The following CDH13 variants were observed in gnomAD, a reference collection of about 807,000 sequenced individuals.
The protein encoded by CDH13 is cadherin 13.
Under a neutral mutation model 63.8 loss-of-function variants are expected in CDH13, and 24 were observed. The ratio of observed to expected loss-of-function variants is 0.38; its 90% confidence interval spans 0.27 to 0.53. The LOEUF is 0.53. Ranked by LOEUF, CDH13 falls within the 20% of genes least tolerant of loss-of-function variation. The pLI, the probability that CDH13 is intolerant of heterozygous loss-of-function variation, is 0.85. For synonymous variants in CDH13, 503 were observed against 355.3 expected (o/e 1.42, Z -4.67); for missense variants, 1,049 against 903.1 (o/e 1.16, Z -2.07).
intron 2 of CDH13, among the ~76,000 whole-genome samples, chr16:83,000,540 A>AC (rs1387002405): frequency 6.9e-6 from 1 of 144,764 alleles, no homozygotes; most frequent in African/African-American, 2.5e-5. Context: ...GAGCCACCTC[A>AC]CCCGACCCCA....
chr16:83,019,857 A>AAAAAAAG (rs1567750762), intron 2 of CDH13, among the ~76,000 whole-genome samples: 1 of 147,908 alleles, frequency 6.8e-6, no homozygotes, highest in African/African-American at 2.5e-5. Context: ...AAAAAAAACA[A>AAAAAAAG]TAAAAACGAT....
chr16:83,133,574 C>G (rs1013549807), intron 4 of CDH13, among the ~76,000 whole-genome samples: 2 of 152,210 alleles, frequency 1.3e-5, no homozygotes, highest in Non-Finnish European at 2.9e-5. Flanking sequence ...TCTGTGCTCA[C>G]TGCAACCTCT....
At chr16:83,205,822 C>G (rs901154634) in intron 4 of CDH13, among the ~76,000 whole-genome samples, 1 of 152,100 alleles carries the variant, frequency 6.6e-6, no homozygotes, top group African/African-American at 2.4e-5. Context: ...CCAGGATGGT[C>G]TCTATCTCCT....
chr16:82,768,287 C>T (rs11642218), intron 1 of CDH13, among the ~76,000 whole-genome samples: 106,613 of 152,072 alleles, frequency 0.7, 40,154 homozygotes, highest in East Asian at 1. Context: ...TGATAGATAC[C>T]TGCTAGTTGA....
intron 1 of CDH13, among the ~76,000 whole-genome samples, chr16:82,809,330 T>C (rs923549280): frequency 1.2e-4 from 18 of 150,720 alleles, no homozygotes; most frequent in African/African-American, 4.1e-4. Context: ...AAAAAATCAC[T>C]GTAAATGAAA....
chr16:83,349,497 C>A (rs2090906764), intron 6 of CDH13, among the ~76,000 whole-genome samples: 1 of 152,068 alleles, frequency 6.6e-6, no homozygotes, highest in South Asian at 2.1e-4. Flanking sequence ...AAGATTGAGG[C>A]CTGCCTGTGG....
At chr16:82,645,013 C>A (rs376922836) in intron 1 of CDH13, among the ~76,000 whole-genome samples, 18 of 152,242 alleles carry the variant, frequency 1.2e-4, no homozygotes, top group African/African-American at 4.3e-4. Context: ...AAATGAAAGT[C>A]TCTGAGATTG....
chr16:83,783,186 C>A (rs1915646909), intron 12 of CDH13, 68 bp from the exon 13 acceptor site: 1 of 1,098,772 alleles, frequency 9.1e-7, no homozygotes, highest in Non-Finnish European at 1.4e-6. Context: ...ACTTTCATCA[C>A]CAAAACCTCA....
intron 4 of CDH13, among the ~76,000 whole-genome samples, chr16:83,134,224 G>A (rs533808885): frequency 1.3e-5 from 2 of 152,064 alleles, no homozygotes; most frequent in South Asian, 2.1e-4. Flanking sequence ...ACAGAGTCTC[G>A]CTCTGTCGCC....
intron 2 of CDH13, among the ~76,000 whole-genome samples, chr16:82,976,094 C>T (rs566828959): frequency 1.6e-4 from 25 of 152,068 alleles, no homozygotes; most frequent in African/African-American, 2.4e-4. Context: ...AAGGCATTGA[C>T]GAGGGAGACA....
At chr16:82,727,833 C>A (rs893793127) in intron 1 of CDH13, 1 of 152,186 alleles carries the variant, frequency 6.6e-6, no homozygotes, top group African/African-American at 2.4e-5. Context: ...GGTGAGCAGA[C>A]CCACTCCACC....
chr16:82,948,341 A>G (rs189597986), intron 2 of CDH13, among the ~76,000 whole-genome samples: 32 of 152,288 alleles, frequency 2.1e-4, no homozygotes, highest in African/African-American at 7.5e-4. Flanking sequence ...ATCTCAGTCT[A>G]AAAATATTAG....
intron 2 of CDH13, among the ~76,000 whole-genome samples, chr16:82,897,368 T>A (rs2041305463): frequency 6.6e-6 from 1 of 152,162 alleles, no homozygotes; most frequent in Non-Finnish European, 1.5e-5. Context: ...AAATATTAGT[T>A]CAATGAATGA....
intron 5 of CDH13, among the ~76,000 whole-genome samples, chr16:83,232,549 C>CAAAA (rs752481819): frequency 9.6e-6 from 1 of 104,472 alleles, no homozygotes; most frequent in African/African-American, 3.2e-5. Context: ...CAACAACAAA[C>CAAAA]AAACAAAAAA....
intron 1 of CDH13, among the ~76,000 whole-genome samples, chr16:82,647,465 A>C (rs1910228651): frequency 6.6e-6 from 1 of 152,252 alleles, no homozygotes; most frequent in Admixed American, 6.5e-5. Flanking sequence ...GAGGCAAGGA[A>C]GGAAAAGGAA....
chr16:82,832,020 A>G (rs928047859), intron 1 of CDH13, among the ~76,000 whole-genome samples: 6 of 152,220 alleles, frequency 3.9e-5, no homozygotes, highest in Non-Finnish European at 7.3e-5. Flanking sequence ...AGTCCCGCAT[A>G]TGATAAATTA....
At chr16:83,326,092 C>G (rs914664894) in intron 5 of CDH13, among the ~76,000 whole-genome samples, 4 of 152,136 alleles carry the variant, frequency 2.6e-5, no homozygotes, top group Non-Finnish European at 4.4e-5. Context: ...GAATTGATAG[C>G]AATACCAGAA....
At chr16:82,679,254 G>T (rs530979049) in intron 1 of CDH13, among the ~76,000 whole-genome samples, 3 of 152,304 alleles carry the variant, frequency 2.0e-5, no homozygotes, top group Admixed American at 6.5e-5. Context: ...CTGAGGCCAG[G>T]TGCTGTCTGA....
At chr16:83,263,327 C>A (rs917011152) in intron 5 of CDH13, among the ~76,000 whole-genome samples, 2 of 152,196 alleles carry the variant, frequency 1.3e-5, no homozygotes, top group Non-Finnish European at 1.5e-5. Flanking sequence ...TTTCCAGGAT[C>A]AGTGAATATA....
Sources: gnomAD v4.1 joint callset for allele counts (sites outside exome capture counted in the v4.1 genomes callset) on GRCh38, gnomAD v4.1.1 for gene constraint, MANE v1.5 for transcripts, NCBI Gene and HGNC (gene_info 2026-07-23, HGNC 2026-07-21) for gene names.